The following LRMDA variants were observed in gnomAD, a reference collection of about 807,000 sequenced individuals.
LRMDA encodes leucine-rich melanocyte differentiation-associated protein.
In LRMDA, 18 loss-of-function variants were observed where a neutral mutation model predicts 29.8. The observed-to-expected ratio is 0.60, with a 90% CI of 0.42 to 0.90. The LOEUF (loss-of-function observed/expected upper bound fraction) is 0.90, where lower values mean the gene tolerates loss of function less well. Among genes scored for constraint, LRMDA ranks in the 40% least tolerant of loss-of-function variants. The probability of loss-of-function intolerance (pLI) is 0.00; values close to 1 mark genes in which losing one functional copy is unlikely to be tolerated. For synonymous variants in LRMDA, 125 were observed against 109.4 expected, an observed-to-expected ratio of 1.14 and a Z score of -0.89; for missense variants, 273 against 273.9, an observed-to-expected ratio of 1.00 and a Z score of 0.02.
At chr10:76,336,640 A>G (rs1840972560) in intron 6 of LRMDA, among the ~76,000 whole-genome samples, 1 of 152,108 alleles carries the variant, frequency 6.6e-6, no homozygotes. Flanking sequence ...AGAGGTCCCA[A>G]TTTAAATTGC....
At chr10:76,126,394 T>C (rs1849883841) in intron 5 of LRMDA, among the ~76,000 whole-genome samples, 1 of 152,230 alleles carries the variant, frequency 6.6e-6, no homozygotes, top group Admixed American at 6.5e-5. Flanking sequence ...TGTTTTTTCA[T>C]GAAAACATTG....
intron 2 of LRMDA, among the ~76,000 whole-genome samples, chr10:75,919,796 C>G (rs1845997676): frequency 6.6e-6 from 1 of 152,158 alleles, no homozygotes; most frequent in African/African-American, 2.4e-5. Context: ...GATGTGCCAC[C>G]TGGAGAAGGT....
chr10:75,807,087 A>G, intron 2 of LRMDA, among the ~76,000 whole-genome samples: 1 of 152,070 alleles, frequency 6.6e-6, no homozygotes, highest in East Asian at 1.9e-4. Flanking sequence ...GTGGGGGGTG[A>G]GTGTGCAGAA....
intron 6 of LRMDA, among the ~76,000 whole-genome samples, chr10:76,420,414 C>A (rs1842060836): frequency 6.6e-6 from 1 of 151,746 alleles, no homozygotes; most frequent in Admixed American, 6.6e-5. Flanking sequence ...TAATTTGGTA[C>A]CTTTTCTATT....
intron 2 of LRMDA, among the ~76,000 whole-genome samples, chr10:75,944,586 C>G (rs1846447001): frequency 6.6e-6 from 1 of 151,574 alleles, no homozygotes; most frequent in African/African-American, 2.4e-5. Flanking sequence ...CACAGTGTCT[C>G]TGTTTACTGT....
chr10:75,965,015 C>G (rs1456136348), intron 2 of LRMDA, among the ~76,000 whole-genome samples: 1 of 152,242 alleles, frequency 6.6e-6, no homozygotes, highest in African/African-American at 2.4e-5. Flanking sequence ...ATCCACTCAA[C>G]TCGGCCTCCC....
chr10:76,227,379 T>C (rs1472732395), intron 5 of LRMDA, among the ~76,000 whole-genome samples: 1 of 152,180 alleles, frequency 6.6e-6, no homozygotes, highest in Non-Finnish European at 1.5e-5. Flanking sequence ...GTAGAAAGTT[T>C]CTCTGTTTTT....
chr10:76,047,431 A>G lies in LRMDA; in HGVS notation c.398+128A>G, dbSNP rs1397540850. 4.1e-6 allele frequency: 4 copies of G among 979,166 alleles called. No individual in the cohort carries two copies. The African/African-American group carries it at 6.7e-5, about 17-fold the overall frequency. The allele number at this position is 979,166 out of a possible 1,614,324, so 60.7% of individuals were successfully genotyped here. The stretch of plus-strand genomic sequence containing the variant: ...AGTGGGTTTCCCATGACAATGTTAA[A>G]CTTTTACCTTTTGGTAACCTATAGC... On this transcript the variant is annotated intron_variant, in intron 4 of 6. Transcript: ENST00000611255.
chr10:76,269,724 G>A (rs1032086828), intron 5 of LRMDA, among the ~76,000 whole-genome samples: 2 of 152,110 alleles, frequency 1.3e-5, no homozygotes, highest in African/African-American at 2.4e-5. Context: ...TTTACTACTC[G>A]CTGAATTATT....
At chr10:76,014,146 T>TATATATATATATATATATATATA (rs1554840736) in intron 2 of LRMDA, among the ~76,000 whole-genome samples, 1 of 72,986 alleles carries the variant, frequency 1.4e-5, no homozygotes, top group African/African-American at 4.3e-5. Flanking sequence ...ATATATATAA[T>TATATATATATATATATATATATA]TATATATATA....
intron 2 of LRMDA, among the ~76,000 whole-genome samples, chr10:75,619,685 G>T (rs1841155422): frequency 6.6e-6 from 1 of 152,124 alleles, no homozygotes; most frequent in Non-Finnish European, 1.5e-5. Context: ...CCTACACACT[G>T]GCTCACTGTG....
chr10:76,165,005 T>C (rs1230719097), intron 5 of LRMDA, among the ~76,000 whole-genome samples: 2 of 152,230 alleles, frequency 1.3e-5, no homozygotes, highest in Non-Finnish European at 2.9e-5. Flanking sequence ...GAAGTCTTGC[T>C]CTTGTCCCCC....
At chr10:76,240,827 C>T (rs9733095) in intron 5 of LRMDA, among the ~76,000 whole-genome samples, 4 of 21,366 alleles carry the variant, frequency 1.9e-4, no homozygotes, top group African/African-American at 6.8e-4. Flanking sequence ...TATATATATA[C>T]ACATACATAT....
intron 5 of LRMDA, among the ~76,000 whole-genome samples, chr10:76,278,112 T>G (rs2132330304): frequency 6.6e-6 from 1 of 152,270 alleles, no homozygotes; most frequent in South Asian, 2.1e-4. Flanking sequence ...AATGAGAATT[T>G]TTCGGATTTT....
chr10:75,819,983 CATGCACCA>C, intron 2 of LRMDA, among the ~76,000 whole-genome samples: 1 of 152,136 alleles, frequency 6.6e-6, no homozygotes, highest in Non-Finnish European at 1.5e-5. Flanking sequence ...TCTAAATATA[CATGCACCA>C]AATACTAGAG....
chr10:76,034,366 A>G (rs150096202), intron 2 of LRMDA, among the ~76,000 whole-genome samples: 170 of 152,264 alleles, frequency 1.1e-3, no homozygotes, highest in South Asian at 2.1e-3. Context: ...AAGAGGAAAA[A>G]GAGAAAGGAG....
At position 76,187,393 on chromosome 10, in the gene LRMDA, C is replaced by A. The variant is rs550019606; in HGVS notation, c.516+128610C>A. 3.9e-5 allele frequency among the ~76,000 whole-genome samples: 6 copies of A among 152,224 alleles called. No homozygotes were observed. In the South Asian group the frequency reaches 1.2e-3, roughly 32 times the overall value. On this transcript the variant is annotated intron_variant, in intron 5 of 6. Transcript: ENST00000611255. ...GTGGGCCCCTTGCTCCTTTCCTTTC[C>A]CTTGTATCAGGGACCAGGACCATTC...
chr10:75,786,345 A>G (rs1843472621), intron 2 of LRMDA, among the ~76,000 whole-genome samples: 1 of 152,184 alleles, frequency 6.6e-6, no homozygotes, highest in African/African-American at 2.4e-5. Context: ...ACAAGTATCC[A>G]GGCACCTAAA....
At chr10:76,444,192 C>A (rs1842330845) in intron 6 of LRMDA, among the ~76,000 whole-genome samples, 1 of 152,202 alleles carries the variant, frequency 6.6e-6, no homozygotes, top group Non-Finnish European at 1.5e-5. Context: ...TTTCCTCTGG[C>A]ATAGATCACT....
Sources: allele counts gnomAD v4.1 joint callset (sites outside exome capture counted in the v4.1 genomes callset), GRCh38; gene constraint gnomAD v4.1.1; transcripts MANE v1.5; gene names NCBI Gene and HGNC (gene_info 2026-07-23, HGNC 2026-07-21).